OR3A2: variants seen among roughly 807,000 people sequenced by gnomAD.
The protein encoded by OR3A2 is olfactory receptor 3A2.
For missense variants in OR3A2, 318 were observed against 392.8 expected, an observed-to-expected ratio of 0.81 and a Z score of 1.61; for synonymous variants, 126 against 159.3, an observed-to-expected ratio of 0.79 and a Z score of 1.57.
At chr17:3,364,759 T>C (rs886488353) in intron 2 of OR3A2, among the ~76,000 whole-genome samples, 12 of 152,180 alleles carry the variant, frequency 7.9e-5, no homozygotes, top group Non-Finnish European at 1.8e-4. Flanking sequence ...CCAAAGGAAG[T>C]GAAATCACCA....
chr17:3,381,844 G>A lies in OR3A2; in HGVS notation c.-179+1960C>T, dbSNP rs74469323. Among the ~76,000 whole-genome samples the A allele has an allele frequency of 1.3e-3, 194 of 152,290 alleles. 3 individuals are homozygous for A. The East Asian group carries it at 0.028, about 22-fold the overall frequency. ...AGTCTTCCCTGACTTTGCCAGGAAAGTTAGGACAAAACCTTGTGCCGAGCC... is the reference window on the plus strand; with the variant it reads ...AGTCTTCCCTGACTTTGCCAGGAAAATTAGGACAAAACCTTGTGCCGAGCC... On this transcript the variant is annotated intron_variant, in intron 2 of 4. Coordinates refer to the OR3A2 transcript ENST00000573491.
chr17:3,301,539 G>GTTTGACT (rs1476960903), intron 3 of OR3A2, among the ~76,000 whole-genome samples: 3 of 152,300 alleles, frequency 2.0e-5, no homozygotes, highest in African/African-American at 7.2e-5. Context: ...TGATGGGGTT[G>GTTTGACT]TTTGACTTTT....
chr17:3,350,687 G>T (rs80316386), intron 2 of OR3A2, among the ~76,000 whole-genome samples: 98,256 of 144,918 alleles, frequency 0.68, 34,503 homozygotes, highest in East Asian at 0.99. Flanking sequence ...ATTTTATGAG[G>T]CCAGCATCAT....
At chr17:3,373,439 T>A (rs756193892) in intron 2 of OR3A2, among the ~76,000 whole-genome samples, 1 of 152,170 alleles carries the variant, frequency 6.6e-6, no homozygotes, top group Non-Finnish European at 1.5e-5. Context: ...ATTTCTTAGT[T>A]CTAGTAGTAA....
chr17:3,310,275 T>A, intron 3 of OR3A2: 1 of 513,940 alleles, frequency 1.9e-6, no homozygotes, highest in Non-Finnish European at 4.0e-6. Context: ...CGGCCCCATC[T>A]AACACTGCTC....
Position 3,351,672 on chromosome 17 carries a change from GA to G in OR3A2, c.-178-15547del, listed in dbSNP as rs1241526044. Among the ~76,000 whole-genome samples, 42 of 144,232 alleles carry G rather than the reference GA, an allele frequency of 2.9e-4. No individual in the cohort carries two copies. The East Asian group carries it at 7.6e-3, about 26-fold the overall frequency. 94.6% of individuals were successfully genotyped at this position (144,232 alleles called of 152,430 possible). A position where few individuals can be genotyped will look rare whatever the true frequency, so the allele number is the denominator to read the frequency against. Reference sequence around the variant, plus strand: ...ACCAATGACTTTCTTCACAGAATTGGAAAAAACTACTTTAAAGTTCATATGG... The same window carrying G: ...ACCAATGACTTTCTTCACAGAATTGGAAAAACTACTTTAAAGTTCATATGG... On this transcript the variant is annotated intron_variant, in intron 2 of 4. Coordinates refer to the OR3A2 transcript ENST00000573491.
At chr17:3,356,182 T>C (rs952207815) in intron 2 of OR3A2, among the ~76,000 whole-genome samples, 3 of 151,530 alleles carry the variant, frequency 2.0e-5, no homozygotes, top group African/African-American at 7.3e-5. Context: ...TCTCTTTATG[T>C]CTTATTGCAC....
At chr17:3,324,812 C>T (rs1241419939) in intron 3 of OR3A2, among the ~76,000 whole-genome samples, 1 of 152,078 alleles carries the variant, frequency 6.6e-6, no homozygotes, top group Non-Finnish European at 1.5e-5. Flanking sequence ...GTCAGAGACC[C>T]ACTTGAGGAG....
intron 3 of OR3A2, among the ~76,000 whole-genome samples, chr17:3,319,519 T>C (rs2676610): frequency 0.69 from 105,012 of 151,846 alleles, 37,883 homozygotes; most frequent in East Asian, 1. Flanking sequence ...AATGCTATCC[T>C]TCCCCCATCC....
intron 2 of OR3A2, among the ~76,000 whole-genome samples, chr17:3,367,601 G>GTGTATATATATATATA (rs1555530074): frequency 3.3e-5 from 4 of 122,536 alleles, no homozygotes; most frequent in South Asian, 5.2e-4. Context: ...GTGTGTGTGT[G>GTGTATATATATATATA]TATATATATA....
chr17:3,372,185 G>A (rs930630760), intron 2 of OR3A2, among the ~76,000 whole-genome samples: 6 of 151,044 alleles, frequency 4.0e-5, no homozygotes, highest in East Asian at 4.0e-4. Flanking sequence ...CATCCCAGAC[G>A]GGGCAGCGGG....
upstream of OR3A2, among the ~76,000 whole-genome samples, chr17:3,287,403 C>T (rs1158035795): frequency 6.6e-6 from 1 of 152,194 alleles, no homozygotes; most frequent in African/African-American, 2.4e-5. Context: ...ATTGTCTATC[C>T]TTCCACTCTG....
chr17:3,347,874 G>C (rs1290801329), intron 2 of OR3A2, among the ~76,000 whole-genome samples: 1 of 152,152 alleles, frequency 6.6e-6, no homozygotes, highest in East Asian at 1.9e-4. Flanking sequence ...GTGTAAAAGT[G>C]TTCCTATTTC....
chr17:3,357,875 T>G (rs1475757304), intron 2 of OR3A2, among the ~76,000 whole-genome samples: 2 of 151,672 alleles, frequency 1.3e-5, no homozygotes, highest in Admixed American at 6.6e-5. Context: ...TTTTATGTTA[T>G]GTATGTTTTA....
chr17:3,285,027 A>C (rs1404957615), upstream of OR3A2, among the ~76,000 whole-genome samples: 1 of 151,928 alleles, frequency 6.6e-6, no homozygotes, highest in Non-Finnish European at 1.5e-5. Flanking sequence ...GGACACTTGG[A>C]CTGTGTCTTG....
rs116088370 is a variant in OR3A2 at position 3,279,326 on chromosome 17, A to G, written c.-6-403T>C. 7.9e-3 allele frequency among the ~76,000 whole-genome samples: 1,209 copies of G among 152,366 alleles called. 11 individuals are homozygous for G. The highest frequency in any genetic ancestry group is 0.027 in the African/African-American group (1,128 of 41,580). ...TTACTAACTACAAGTATCTCATAAC[A>G]TCATGTTCTGTACCTTAAATATAGA... On this transcript the variant is annotated intron_variant, in intron 1 of 1. Coordinates refer to ENST00000642052, the Ensembl canonical transcript of OR3A2.
intron 2 of OR3A2, among the ~76,000 whole-genome samples, chr17:3,367,024 T>A (rs1054393137): frequency 6.6e-6 from 1 of 152,162 alleles, no homozygotes; most frequent in Non-Finnish European, 1.5e-5. Flanking sequence ...TCCTGAACAT[T>A]AGTGGGCCAC....
At chr17:3,345,322 G>C (rs898035868) in intron 2 of OR3A2, among the ~76,000 whole-genome samples, 2 of 152,086 alleles carry the variant, frequency 1.3e-5, no homozygotes, top group Admixed American at 6.6e-5. Context: ...CCCTTTCAGA[G>C]AACTTCCAAT....
At chr17:3,302,815 C>A (rs1284885112) in intron 3 of OR3A2, among the ~76,000 whole-genome samples, 14 of 152,232 alleles carry the variant, frequency 9.2e-5, no homozygotes, top group South Asian at 4.2e-4. Flanking sequence ...ACTGTGTGAG[C>A]CTAGGGCTCC....
Sources: allele counts gnomAD v4.1 joint callset (sites outside exome capture counted in the v4.1 genomes callset), GRCh38; gene constraint gnomAD v4.1.1; transcripts MANE v1.5; gene names NCBI Gene and HGNC (gene_info 2026-07-23, HGNC 2026-07-21).